Variants in PDSS2 observed in about 807,000 individuals in gnomAD.
PDSS2 encodes all trans-polyprenyl-diphosphate synthase PDSS2.
PDSS2 carries 31 observed loss-of-function variants against 44.5 expected under a neutral mutation model. That is an observed-to-expected ratio of 0.70 (90% CI 0.52 to 0.94). PDSS2 has a LOEUF of 0.94. PDSS2 is among the 40% of genes least tolerant of loss of function. The probability of loss-of-function intolerance (pLI) is 0.00; values close to 1 mark genes in which losing one functional copy is unlikely to be tolerated. For missense variants in PDSS2, 452 were observed against 482.2 expected (o/e 0.94, Z 0.59); for synonymous variants, 157 against 180.3 (o/e 0.87, Z 1.03).
intron 7 of PDSS2, among the ~76,000 whole-genome samples, chr6:107,166,365 T>G (rs1311622311): frequency 3.2e-5 from 4 of 125,674 alleles, no homozygotes; most frequent in African/African-American, 6.3e-5. Flanking sequence ...TTGAGAGTTT[T>G]TTTTTTTTTT....
intron 6 of PDSS2, among the ~76,000 whole-genome samples, chr6:107,201,531 G>A (rs1772777762): frequency 1.3e-5 from 2 of 152,028 alleles, no homozygotes; most frequent in Non-Finnish European, 2.9e-5. Context: ...TGTACAATGT[G>A]GTCTTTTACT....
intron 1 of PDSS2, among the ~76,000 whole-genome samples, chr6:107,372,475 A>C (rs1779154825): frequency 6.6e-6 from 1 of 152,112 alleles, no homozygotes; most frequent in Non-Finnish European, 1.5e-5. Context: ...ATTTTTTGAG[A>C]CGGAGTCGCT....
intron 6 of PDSS2, among the ~76,000 whole-genome samples, chr6:107,208,652 C>T (rs1773092686): frequency 1.4e-5 from 2 of 143,168 alleles, no homozygotes; most frequent in South Asian, 2.2e-4. Context: ...TCTTGTCGCT[C>T]AGGCTAGAGT....
intron 4 of PDSS2, among the ~76,000 whole-genome samples, chr6:107,237,023 T>G (rs1285332298): frequency 1.3e-5 from 2 of 151,660 alleles, no homozygotes; most frequent in Non-Finnish European, 2.9e-5. Context: ...AGCCTCAACC[T>G]CCTGGGCTTA....
intron 3 of PDSS2, among the ~76,000 whole-genome samples, chr6:107,253,061 A>G (rs1774878483): frequency 6.6e-6 from 1 of 152,246 alleles, no homozygotes; most frequent in South Asian, 2.1e-4. Flanking sequence ...TTTGAGATAG[A>G]GTCTCGCTCT....
chr6:107,284,894 CAATT>C (rs1776090682), intron 2 of PDSS2, among the ~76,000 whole-genome samples: 1 of 152,134 alleles, frequency 6.6e-6, no homozygotes, highest in African/African-American at 2.4e-5. Context: ...AAAAATAACT[CAATT>C]AACAGGTTAA....
intron 1 of PDSS2, among the ~76,000 whole-genome samples, chr6:107,353,842 C>G (rs933710536): frequency 3.3e-5 from 5 of 151,988 alleles, no homozygotes; most frequent in Non-Finnish European, 7.4e-5. Context: ...ATGTATTTTT[C>G]TATTCTTTTT....
chr6:107,244,273 A>C (rs1432298763), intron 4 of PDSS2, among the ~76,000 whole-genome samples: 1 of 152,252 alleles, frequency 6.6e-6, no homozygotes, highest in Non-Finnish European at 1.5e-5. Flanking sequence ...GGATAGCAGT[A>C]GTACCTATCT....
intron 7 of PDSS2, among the ~76,000 whole-genome samples, chr6:107,189,973 A>C (rs1158221646): frequency 6.6e-6 from 1 of 152,062 alleles, no homozygotes; most frequent in Admixed American, 6.6e-5. Context: ...AGTCCTAGTT[A>C]CCTGGGAGTC....
intron 3 of PDSS2, among the ~76,000 whole-genome samples, chr6:107,272,360 C>A (rs891456890): frequency 6.6e-6 from 1 of 152,166 alleles, no homozygotes; most frequent in Non-Finnish European, 1.5e-5. Context: ...GTACACTGAT[C>A]CAACCTTCAA....
intron 4 of PDSS2, among the ~76,000 whole-genome samples, chr6:107,244,262 G>A (rs1774535233): frequency 6.6e-6 from 1 of 152,186 alleles, no homozygotes; most frequent in South Asian, 2.1e-4. Flanking sequence ...CTGTAAAATG[G>A]GGATAGCAGT....
In PDSS2 at chr6:107,395,925, T is replaced by C. The variant is rs561476124; in HGVS notation, c.297-61593A>G. On this transcript the variant is annotated intron_variant, in intron 1 of 7. Transcript: ENST00000369037. ...GACAGTTAAATTACATCTGAACCCA[T>C]TTGATCTATGTGGAGTTTCATTTAT... is the stretch of plus-strand genomic sequence containing the variant. Among the ~76,000 whole-genome samples, 3 of 152,324 alleles carry C rather than the reference T, an allele frequency of 2.0e-5. No homozygotes were observed. In the South Asian group the frequency reaches 6.2e-4, roughly 32 times the overall value.
At chr6:107,363,945 G>C (rs1778870756) in intron 1 of PDSS2, among the ~76,000 whole-genome samples, 2 of 152,090 alleles carry the variant, frequency 1.3e-5, no homozygotes, top group African/African-American at 4.8e-5. Context: ...GGTGCTGATT[G>C]GTGTGTTTAC....
intron 7 of PDSS2, among the ~76,000 whole-genome samples, chr6:107,165,206 T>G (rs1331032866): frequency 6.6e-6 from 1 of 152,172 alleles, no homozygotes; most frequent in African/African-American, 2.4e-5. Context: ...TTGTTGCCAT[T>G]GCTTTTGGTG....
chr6:107,203,568 A>G (rs1460969820), intron 6 of PDSS2, among the ~76,000 whole-genome samples: 1 of 152,158 alleles, frequency 6.6e-6, no homozygotes, highest in Non-Finnish European at 1.5e-5. Context: ...TCAGGCTCAA[A>G]AACTTTCAAT....
At chr6:107,338,653 T>G (rs2500570) in intron 1 of PDSS2, among the ~76,000 whole-genome samples, 1 of 151,732 alleles carries the variant, frequency 6.6e-6, no homozygotes, top group African/African-American at 2.4e-5. Context: ...AAAGGATGAG[T>G]GAGAGGGAAG....
At chr6:107,396,020 C>T (rs1386372450) in intron 1 of PDSS2, among the ~76,000 whole-genome samples, 2 of 152,158 alleles carry the variant, frequency 1.3e-5, no homozygotes, top group Non-Finnish European at 1.5e-5. Flanking sequence ...CTTCTAATAT[C>T]TCCCCCAAAG....
At chr6:107,174,196 G>A (rs1185503628) in intron 7 of PDSS2, among the ~76,000 whole-genome samples, 2 of 152,154 alleles carry the variant, frequency 1.3e-5, no homozygotes, top group Admixed American at 1.3e-4. Context: ...TGTTTAACCT[G>A]GAGGAAGGGA....
intron 1 of PDSS2, among the ~76,000 whole-genome samples, chr6:107,355,423 T>C (rs1778567199): frequency 6.6e-6 from 1 of 152,244 alleles, no homozygotes; most frequent in Non-Finnish European, 1.5e-5. Context: ...GTACTAGATT[T>C]ATATTTGACT....
Sources: gnomAD v4.1 joint callset for allele counts (sites outside exome capture counted in the v4.1 genomes callset) on GRCh38, gnomAD v4.1.1 for gene constraint, MANE v1.5 for transcripts, NCBI Gene and HGNC (gene_info 2026-07-23, HGNC 2026-07-21) for gene names.